SF3A3: variants seen among roughly 807,000 people sequenced by gnomAD.
SF3A3 encodes SAP 61.
Under a neutral mutation model 85.8 loss-of-function variants are expected in SF3A3, and 9 were observed. That is an observed-to-expected ratio of 0.10 (90% CI 0.06 to 0.18). SF3A3 has a LOEUF of 0.18. Ranked by LOEUF, SF3A3 falls within the 10% of genes least tolerant of loss-of-function variation. The pLI is 1.00. For synonymous variants in SF3A3, 195 were observed against 204.4 expected (o/e 0.95, Z 0.39); for missense variants, 306 against 593.3 (o/e 0.52, Z 5.03).
chr1:37,981,648 A>C (rs894718005), intron 7 of SF3A3, 81 bp downstream of exon 7: 1 of 888,026 alleles, frequency 1.1e-6, no homozygotes, highest in African/African-American at 1.7e-5. Flanking sequence ...TCCAGGCAAC[A>C]AATTCAGAAC....
intron 6 of SF3A3, among the ~76,000 whole-genome samples, 174 bp from the exon 7 acceptor site, chr1:37,981,985 G>C (rs948978025): frequency 1.3e-5 from 2 of 151,710 alleles, no homozygotes; most frequent in African/African-American, 4.8e-5. Context: ...TACAACTGGA[G>C]TGTTAATTTC....
At position 37,969,719 on chromosome 1, in the gene SF3A3, G is replaced by C. The variant is rs767329284; in HGVS notation, c.1022C>G (p.Thr341Ser). The C allele has an allele frequency of 2.5e-6, 4 of 1,614,090 alleles. No individual in the cohort carries two copies. The highest frequency in any genetic ancestry group is 2.5e-6 in the Non-Finnish European group (3 of 1,180,002). The change falls in exon 13 of 17, where the codon ACT becomes AGT. Residue 341 changes from threonine (T) to serine (S), a missense_variant. Transcript: ENST00000373019. ...VEILGEQRHL[T>S]HENVQRKQAR... is the part of the protein sequence containing the mutation. ...TTGCTTGCGCTGTACATTTTCATGA[G>C]TGAGATGTCGCTGTTCCTAAAGCAG...
Position 37,969,551 on chromosome 1 carries a change from G to C in SF3A3, c.1170+20C>G, listed in dbSNP as rs1646324565. 1.2e-6 allele frequency: 2 copies of C among 1,614,102 alleles called. No individual in the cohort carries two copies. Among genetic ancestry groups the C allele is most frequent in the Non-Finnish European group, 1.7e-6 (2 of 1,180,032 alleles). On this transcript the variant is annotated intron_variant, in intron 13 of 16. Coordinates refer to ENST00000373019, the MANE Select transcript of SF3A3 (RefSeq NM_006802.4). The stretch of plus-strand genomic sequence containing the variant: ...TTCCAAAATGGGGAATGGGGAGAAA[G>C]TGGTAGTGCTGAGACTTACTTTGCC...
At chr1:37,963,437 T>C (rs1646276127) in intron 15 of SF3A3, among the ~76,000 whole-genome samples, 1 of 151,954 alleles carries the variant, frequency 6.6e-6, no homozygotes, top group South Asian at 2.1e-4. Flanking sequence ...GTAGAAATAA[T>C]ACAACTAATC....
intron 4 of SF3A3, 58 bp downstream of exon 4, chr1:37,987,515 C>T (rs1482105908): frequency 7.8e-7 from 1 of 1,275,722 alleles, no homozygotes; most frequent in African/African-American, 1.5e-5. Flanking sequence ...TCCTTTATAC[C>T]TTTCCTTTAG....
intron 6 of SF3A3, 44 bp from the exon 7 acceptor site, chr1:37,981,855 A>T: frequency 3.6e-6 from 4 of 1,108,158 alleles, no homozygotes; most frequent in Non-Finnish European, 5.4e-6. Flanking sequence ...TTAGGTATTT[A>T]TACTGTAACA....
chr1:37,968,757 G>A (rs914579547), intron 14 of SF3A3, among the ~76,000 whole-genome samples: 1 of 152,190 alleles, frequency 6.6e-6, no homozygotes, highest in Non-Finnish European at 1.5e-5. Context: ...ATGACTCAGA[G>A]AGGGGGAGAG....
At chr1:37,980,238 A>G (rs1471846479) in intron 8 of SF3A3, among the ~76,000 whole-genome samples, 1 of 152,130 alleles carries the variant, frequency 6.6e-6, no homozygotes, top group Non-Finnish European at 1.5e-5. Flanking sequence ...CAGCCTGACA[A>G]ATATGGAGAA....
chr1:37,959,514 G>A (rs1035750918), intron 16 of SF3A3, among the ~76,000 whole-genome samples: 6 of 152,034 alleles, frequency 3.9e-5, no homozygotes, highest in African/African-American at 7.3e-5. Context: ...GGGCTCAAGC[G>A]TTCCTCCTGC....
chr1:37,983,255 TTA>T lies in SF3A3; in HGVS notation c.468+912_468+913del, dbSNP rs1491560985. ...GTCCAGCCAGGAACATGGTATTTATTTAAAAAAAAAAAAAAAAAAAAAAGAAT... is the reference window on the plus strand; with the variant it reads ...GTCCAGCCAGGAACATGGTATTTATTAAAAAAAAAAAAAAAAAAAAAGAAT... On this transcript the variant is annotated intron_variant, in intron 6 of 16. Transcript: ENST00000373019. 8.2e-4 allele frequency among the ~76,000 whole-genome samples: 33 copies of T among 40,466 alleles called. 1 individual carries two copies. Among genetic ancestry groups the T allele is most frequent in the Admixed American group, 1.2e-3 (4 of 3,316 alleles). 26.5% of individuals were successfully genotyped at this position (40,466 alleles called of 152,430 possible).
chr1:37,982,738 C>T (rs1262230042), intron 6 of SF3A3, among the ~76,000 whole-genome samples: 1 of 152,014 alleles, frequency 6.6e-6, no homozygotes, highest in Non-Finnish European at 1.5e-5. Context: ...ACTGAAAGAT[C>T]ATGTTGTTTT....
chr1:37,983,949 A>G (rs528848301), intron 6 of SF3A3, among the ~76,000 whole-genome samples: 2 of 152,338 alleles, frequency 1.3e-5, no homozygotes, highest in South Asian at 4.1e-4. Context: ...AATAAAAAAA[A>G]AAGTATTAAT....
At chr1:37,972,909 G>A (rs1366869031) in intron 12 of SF3A3, among the ~76,000 whole-genome samples, 2 of 152,136 alleles carry the variant, frequency 1.3e-5, no homozygotes, top group African/African-American at 2.4e-5. Flanking sequence ...GGCCGGGTGC[G>A]GTGGCTCACG....
chr1:37,963,530 A>G (rs1451735216), intron 15 of SF3A3, among the ~76,000 whole-genome samples: 1 of 152,070 alleles, frequency 6.6e-6, no homozygotes. Context: ...AAGTAATACA[A>G]TTGAAGAATC....
chr1:37,980,258 C>G (rs1350379736), intron 8 of SF3A3, among the ~76,000 whole-genome samples: 2 of 152,030 alleles, frequency 1.3e-5, no homozygotes, highest in Non-Finnish European at 2.9e-5. Context: ...AACCCTGTCC[C>G]CACTAAAAAC....
chr1:37,960,052 T>C (rs17531342), intron 16 of SF3A3, 68 bp downstream of exon 16: 1,137,800 of 1,290,832 alleles, frequency 0.88, 502,741 homozygotes, highest in East Asian at 1. Context: ...TTTCACCTCC[T>C]TTCTACATGG....
intron 15 of SF3A3, among the ~76,000 whole-genome samples, chr1:37,961,662 G>C (rs571185141): frequency 2.2e-5 from 3 of 135,826 alleles, no homozygotes; most frequent in South Asian, 2.5e-4. Context: ...GAAGTTATGT[G>C]CTTACTATGT....
chr1:37,974,922 T>C (rs1190323549), intron 12 of SF3A3, among the ~76,000 whole-genome samples: 9 of 152,226 alleles, frequency 5.9e-5, no homozygotes, highest in Non-Finnish European at 1.0e-4. Flanking sequence ...AAACTTTTTC[T>C]TCTCCCTTCT....
At chr1:37,970,852 A>G (rs1646340473) in intron 12 of SF3A3, among the ~76,000 whole-genome samples, 1 of 152,212 alleles carries the variant, frequency 6.6e-6, no homozygotes, top group South Asian at 2.1e-4. Flanking sequence ...GACGCATTTA[A>G]AGCAGCGTGT....
Sources: gnomAD v4.1 joint callset for allele counts (sites outside exome capture counted in the v4.1 genomes callset) on GRCh38, gnomAD v4.1.1 for gene constraint, MANE v1.5 for transcripts, NCBI Gene and HGNC (gene_info 2026-07-23, HGNC 2026-07-21) for gene names.